DOCK8: variants seen among roughly 807,000 people sequenced by gnomAD.
DOCK8 encodes dedicator of cytokinesis protein 8.
Under a neutral mutation model 245.6 loss-of-function variants are expected in DOCK8, and 141 were observed. The ratio of observed to expected loss-of-function variants is 0.57; its 90% CI spans 0.50 to 0.66. DOCK8 has a LOEUF of 0.66. DOCK8 is among the 30% of genes least tolerant of loss of function. The pLI is 0.00. For missense variants in DOCK8, 2,965 were observed against 2,603.4 expected, an observed-to-expected ratio of 1.14 and a Z score of -3.02; for synonymous variants, 1,168 against 970.2, an observed-to-expected ratio of 1.20 and a Z score of -3.79.
intron 12 of DOCK8, among the ~76,000 whole-genome samples, chr9:337,821 A>G (rs1432437530): frequency 6.6e-6 from 1 of 152,224 alleles, no homozygotes; most frequent in Non-Finnish European, 1.5e-5. Context: ...GTTGCACAAC[A>G]AAGAGAATGT....
intron 14 of DOCK8, 179 bp downstream of exon 14, chr9:340,500 A>G (rs1434673380): frequency 6.9e-6 from 5 of 728,658 alleles, no homozygotes; most frequent in Non-Finnish European, 1.1e-5. Flanking sequence ...GCATGCTTGT[A>G]ATCCCAGCAA....
At chr9:324,105 T>C (rs1055068809) in intron 7 of DOCK8, among the ~76,000 whole-genome samples, 1 of 152,154 alleles carries the variant, frequency 6.6e-6, no homozygotes, top group Non-Finnish European at 1.5e-5. Context: ...GTAACCTGAT[T>C]AGGGTCGCAG....
At chr9:247,108 G>C (rs908418921) in intron 1 of DOCK8, among the ~76,000 whole-genome samples, 3 of 152,202 alleles carry the variant, frequency 2.0e-5, no homozygotes, top group African/African-American at 7.2e-5. Context: ...AATGACCTGA[G>C]TGTTTTCCTT....
In DOCK8 at chr9:439,346, C is replaced by T. The variant is rs146342286; in HGVS notation, c.5181C>T (p.Gly1727=). ...CAGGCCAGTACTTCACCGAGAGTGG[C>T]CTGGTAGGCCTCCTGGAGCAGGCCG... ...VCAGQYFTES[G]LVGLLEQAAE... is the part of the protein sequence containing the mutation. The change falls in exon 40 of 48, where the codon GGC becomes GGT. Residue 1727 remains glycine (G), a synonymous_variant. Transcript: ENST00000432829. The T allele has an allele frequency of 5.0e-6, 8 of 1,613,992 alleles. No individual in the cohort carries two copies. Among genetic ancestry groups the T allele is most frequent in the Middle Eastern group, 1.6e-4 (1 of 6,080 alleles).
chr9:323,333 C>T (rs2050608545), intron 7 of DOCK8, among the ~76,000 whole-genome samples: 1 of 148,504 alleles, frequency 6.7e-6, no homozygotes. Flanking sequence ...AAGTGATTCT[C>T]CTGCCTCAGC....
intron 14 of DOCK8, among the ~76,000 whole-genome samples, chr9:366,734 C>G (rs1377098816): frequency 7.0e-6 from 1 of 143,742 alleles, no homozygotes; most frequent in East Asian, 1.9e-4. Context: ...TTGCCTTGCT[C>G]TTTCCCAAGC....
chr9:262,979 G>T (rs1026719796), intron 1 of DOCK8, among the ~76,000 whole-genome samples: 1 of 152,198 alleles, frequency 6.6e-6, no homozygotes. Flanking sequence ...GGCCGAGGCG[G>T]GTGGATCACC....
At chr9:370,338 G>T in intron 16 of DOCK8, 38 bp downstream of exon 16, 2 of 1,584,772 alleles carry the variant, frequency 1.3e-6, no homozygotes, top group Non-Finnish European at 8.7e-7. Flanking sequence ...ATGCCAAGAT[G>T]GTTTCATCAT....
intron 30 of DOCK8, chr9:420,022 G>A (rs2056208895): frequency 2.5e-5 from 8 of 321,146 alleles, no homozygotes; most frequent in South Asian, 2.1e-4. Context: ...CAGCACGAAG[G>A]AGAAATACTT....
intron 33 of DOCK8, among the ~76,000 whole-genome samples, chr9:425,557 A>T (rs1437623308): frequency 6.6e-6 from 1 of 151,386 alleles, no homozygotes; most frequent in Non-Finnish European, 1.5e-5. Context: ...AAAAAAAAAA[A>T]AGGATGATGA....
chr9:270,576 C>A (rs1255947210), intron 1 of DOCK8, among the ~76,000 whole-genome samples: 1 of 152,208 alleles, frequency 6.6e-6, no homozygotes, highest in Admixed American at 6.5e-5. Flanking sequence ...GAAACCTCAT[C>A]ATGCTGGGTA....
intron 1 of DOCK8, among the ~76,000 whole-genome samples, chr9:265,105 T>G (rs1336687594): frequency 6.6e-6 from 1 of 152,154 alleles, no homozygotes; most frequent in Non-Finnish European, 1.5e-5. Context: ...CTAATTTTTG[T>G]ATTTTTAGTA....
At chr9:405,987 A>G (rs1236375533) in intron 27 of DOCK8, among the ~76,000 whole-genome samples, 1 of 152,208 alleles carries the variant, frequency 6.6e-6, no homozygotes, top group African/African-American at 2.4e-5. Flanking sequence ...TGACTGCCCC[A>G]GGGAGTGGCC....
intron 1 of DOCK8, 78 bp downstream of exon 1, chr9:215,107 C>A (rs750570511): frequency 6.6e-7 from 1 of 1,507,508 alleles, no homozygotes; most frequent in South Asian, 1.2e-5. Flanking sequence ...GCTGCAGGGG[C>A]CGAGGCCGGA....
chr9:286,790 A>G (rs986621414), intron 3 of DOCK8, among the ~76,000 whole-genome samples, 154 bp downstream of exon 3: 1 of 152,212 alleles, frequency 6.6e-6, no homozygotes, highest in African/African-American at 2.4e-5. Context: ...ATCATCATGT[A>G]AGTATAGATA....
intron 5 of DOCK8, among the ~76,000 whole-genome samples, chr9:304,971 C>G (rs2049747269): frequency 6.6e-6 from 1 of 152,058 alleles, no homozygotes; most frequent in African/African-American, 2.4e-5. Context: ...GGGCCCATCC[C>G]TACGACAGTT....
At chr9:411,106 T>G (rs2055704381) in intron 28 of DOCK8, among the ~76,000 whole-genome samples, 1 of 152,164 alleles carries the variant, frequency 6.6e-6, no homozygotes, top group Non-Finnish European at 1.5e-5. Context: ...ACACCTACTA[T>G]GTACCCACAC....
At chr9:373,840 T>A (rs1246890048) in intron 18 of DOCK8, among the ~76,000 whole-genome samples, 1 of 152,212 alleles carries the variant, frequency 6.6e-6, no homozygotes, top group Non-Finnish European at 1.5e-5. Context: ...GTCTTTATGA[T>A]TTGGACATCA....
At chr9:318,764 G>A (rs988290577) in intron 7 of DOCK8, among the ~76,000 whole-genome samples, 1 of 152,180 alleles carries the variant, frequency 6.6e-6, no homozygotes, top group African/African-American at 2.4e-5. Context: ...AGTGGAAGTG[G>A]CTCTTCCCCT....
Sources: gnomAD v4.1 joint callset for allele counts (sites outside exome capture counted in the v4.1 genomes callset) on GRCh38, gnomAD v4.1.1 for gene constraint, MANE v1.5 for transcripts, NCBI Gene and HGNC (gene_info 2026-07-23, HGNC 2026-07-21) for gene names.